The following TTC39B variants were observed in gnomAD, a reference collection of about 807,000 sequenced individuals.
TTC39B encodes tetratricopeptide repeat domain 39B.
Under a neutral mutation model 96.6 loss-of-function variants are expected in TTC39B, and 92 were observed. The ratio of observed to expected loss-of-function variants is 0.95; its 90% CI spans 0.80 to 1.13. The LOEUF (loss-of-function observed/expected upper bound fraction) is 1.13, where lower values mean the gene tolerates loss of function less well. TTC39B is among the 50% of genes most tolerant of loss of function. The probability of loss-of-function intolerance (pLI) is 0.00; values close to 1 mark genes in which losing one functional copy is unlikely to be tolerated. For missense variants in TTC39B, 955 were observed against 809.3 expected (o/e 1.18, Z -2.18); for synonymous variants, 367 against 299.4 (o/e 1.23, Z -2.33).
At chr9:15,202,174 A>G (rs184763993) in intron 7 of TTC39B, among the ~76,000 whole-genome samples, 2 of 152,314 alleles carry the variant, frequency 1.3e-5, no homozygotes, top group Admixed American at 6.5e-5. Flanking sequence ...CAAATATAAA[A>G]TAAGCCTTCA....
At chr9:15,192,834 G>A in intron 8 of TTC39B, 139 bp from the exon 9 acceptor site, 2 of 613,766 alleles carry the variant, frequency 3.3e-6, no homozygotes, top group Non-Finnish European at 5.6e-6. Context: ...ATGATGCTGT[G>A]CTGAGTTTAC....
intron 1 of TTC39B, among the ~76,000 whole-genome samples, chr9:15,300,023 G>C (rs570913340): frequency 5.3e-5 from 8 of 152,296 alleles, no homozygotes; most frequent in African/African-American, 1.9e-4. Context: ...GAGAATGTCT[G>C]TTTGTTAACC....
chr9:15,174,600 C>G (rs1288058654), intron 19 of TTC39B, among the ~76,000 whole-genome samples: 2 of 152,152 alleles, frequency 1.3e-5, no homozygotes. Flanking sequence ...AACTAGGACC[C>G]AAGGGCCAAA....
intron 2 of TTC39B, among the ~76,000 whole-genome samples, chr9:15,266,874 T>C (rs1331293626): frequency 6.6e-6 from 1 of 152,062 alleles, no homozygotes; most frequent in Non-Finnish European, 1.5e-5. Flanking sequence ...GGTCAGGAGA[T>C]GGAGACCATC....
chr9:15,264,782 A>G (rs1218543246), intron 2 of TTC39B, among the ~76,000 whole-genome samples: 2 of 151,334 alleles, frequency 1.3e-5, no homozygotes, highest in African/African-American at 2.4e-5. Flanking sequence ...TTATATATAC[A>G]CAATAAAATT....
chr9:15,203,835 G>A, exon 7 of TTC39B: 1 of 1,612,472 alleles, frequency 6.2e-7, no homozygotes, highest in Non-Finnish European at 8.5e-7. Flanking sequence ...GCACAAACGT[G>A]AGTGCAGCTT....
intron 2 of TTC39B, among the ~76,000 whole-genome samples, chr9:15,257,456 A>ATT (rs145142279): frequency 6.7e-6 from 1 of 150,060 alleles, no homozygotes. Context: ...CATATTAAAA[A>ATT]TTTTTTTTTT....
chr9:15,303,825 G>A (rs1273253049), intron 1 of TTC39B, among the ~76,000 whole-genome samples: 2 of 151,908 alleles, frequency 1.3e-5, no homozygotes, highest in Non-Finnish European at 2.9e-5. Context: ...AGTAGAGACT[G>A]GGTGTCACCA....
chr9:15,192,646 C>A lies in TTC39B; in HGVS notation c.874G>T (p.Glu292Ter). The A allele has an allele frequency of 6.2e-7, 1 of 1,614,058 alleles. No homozygotes were observed. Among genetic ancestry groups the A allele is most frequent in the Non-Finnish European group, 8.5e-7 (1 of 1,179,994 alleles). Residue 292 changes from glutamate (E) to a stop codon, truncating the protein, a stop_gained, in exon 9 of 20, where the codon GAA becomes TAA. Coordinates refer to ENST00000512701, the Ensembl canonical transcript of TTC39B. LOFTEE classifies it high-confidence loss of function. The stretch of plus-strand genomic sequence containing the variant: ...CCCCCTTCAAACTCATAGAAGAATT[C>A]CTGCTGAAGTTTGTTCTTCTGAATT...
rs1041629568 is a variant in TTC39B, at chr9:15,292,538, G to C, written c.240+14546C>G. Among the ~76,000 whole-genome samples the C allele has an allele frequency of 2.6e-5, 4 of 152,036 alleles. 1 individual carries two copies. The highest frequency in any genetic ancestry group is 9.7e-5 in the African/African-American group (4 of 41,358). ...CTTCTCCTTCTACCTATTAAAAAAA[G>C]AAGAGTTAACTCTAAAACAGCCTCA... On this transcript the variant is annotated intron_variant, in intron 1 of 19. Coordinates refer to ENST00000512701, the Ensembl canonical transcript of TTC39B.
At chr9:15,171,298 A>C (rs1332124792) in exon 20 of TTC39B, 7 of 152,170 alleles carry the variant, frequency 4.6e-5, no homozygotes, top group Non-Finnish European at 2.9e-5. Flanking sequence ...GGTTAAGAAA[A>C]ATTCCTAAAA....
chr9:15,240,685 T>C (rs567485662), intron 2 of TTC39B, among the ~76,000 whole-genome samples: 1 of 152,324 alleles, frequency 6.6e-6, no homozygotes, highest in South Asian at 2.1e-4. Context: ...CTAAGAAATA[T>C]GCAAGAACAG....
intron 1 of TTC39B, among the ~76,000 whole-genome samples, chr9:15,284,033 AG>A (rs1823865832): frequency 6.6e-6 from 1 of 152,224 alleles, no homozygotes; most frequent in Admixed American, 6.5e-5. Context: ...AAAATAATTA[AG>A]GCACTTTAAC....
intron 2 of TTC39B, chr9:15,249,996 T>A (rs921375926): frequency 1.1e-5 from 14 of 1,288,284 alleles, no homozygotes; most frequent in South Asian, 1.2e-5. Context: ...TCTACCAGAT[T>A]TTTTTTTAAG....
chr9:15,259,824 C>T (rs912586301), intron 2 of TTC39B, among the ~76,000 whole-genome samples: 1 of 152,004 alleles, frequency 6.6e-6, no homozygotes, highest in African/African-American at 2.4e-5. Context: ...TGTGTAGACA[C>T]AAAATAATAC....
chr9:15,214,239 TTGA>T, exon 4 of TTC39B: 1 of 1,613,510 alleles, frequency 6.2e-7, no homozygotes, highest in Non-Finnish European at 8.5e-7. Context: ...TCCACCTTGG[TTGA>T]TGATGAACTA....
chr9:15,268,904 G>C (rs1823234432), intron 1 of TTC39B, among the ~76,000 whole-genome samples: 1 of 152,034 alleles, frequency 6.6e-6, no homozygotes, highest in Admixed American at 6.6e-5. Flanking sequence ...ATTGCATTTA[G>C]AAAAATCCCA....
intron 1 of TTC39B, among the ~76,000 whole-genome samples, chr9:15,299,636 A>G (rs1404893471): frequency 6.6e-6 from 1 of 152,164 alleles, no homozygotes; most frequent in East Asian, 1.9e-4. Context: ...GTCCCCAGGT[A>G]CTCATCTTTG....
chr9:15,260,406 T>C (rs1362237521), intron 2 of TTC39B, among the ~76,000 whole-genome samples: 1 of 151,978 alleles, frequency 6.6e-6, no homozygotes, highest in East Asian at 1.9e-4. Flanking sequence ...CTTTCCAGAC[T>C]TGAGTAACAT....
Sources: gnomAD v4.1 joint callset for allele counts (sites outside exome capture counted in the v4.1 genomes callset) on GRCh38, gnomAD v4.1.1 for gene constraint, MANE v1.5 for transcripts, NCBI Gene and HGNC (gene_info 2026-07-23, HGNC 2026-07-21) for gene names.